GOLGA2: variants seen among roughly 807,000 people sequenced by gnomAD.
GOLGA2 encodes golgin subfamily A member 2.
Under a neutral mutation model 148.8 loss-of-function variants are expected in GOLGA2, and 49 were observed. That is an observed-to-expected ratio of 0.33 (90% CI 0.26 to 0.42). The LOEUF is 0.42. Ranked by LOEUF, GOLGA2 falls within the 10% of genes least tolerant of loss-of-function variation. GOLGA2 has a pLI of 1.00. For synonymous variants in GOLGA2, 501 were observed against 511.8 expected (o/e 0.98, Z 0.28); for missense variants, 1,178 against 1,304.6 (o/e 0.90, Z 1.49).
chr9:128,267,914 G>T lies in GOLGA2; in HGVS notation c.501+20C>A. On this transcript the variant is annotated intron_variant, in intron 6 of 26. Coordinates refer to ENST00000611957, the MANE Select transcript of GOLGA2 (RefSeq NM_001366244.2). Reference sequence around the variant, plus strand: ...GTTCCCTTCCCCCCACCCCGCTCTCGGCCTCAGTTCCTGAGGTACCTCACA... The same window carrying T: ...GTTCCCTTCCCCCCACCCCGCTCTCTGCCTCAGTTCCTGAGGTACCTCACA... 1 of 1,583,738 alleles carries T rather than the reference G, an allele frequency of 6.3e-7. No individual in the cohort carries two copies. Among genetic ancestry groups the T allele is most frequent in the Non-Finnish European group, 8.7e-7 (1 of 1,152,652 alleles).
In GOLGA2 at chr9:128,273,880, G is replaced by T. The variant is rs774735776; in HGVS notation, c.177C>A (p.Thr59=). The T allele has an allele frequency of 1.9e-6, 3 of 1,614,048 alleles. No homozygotes were observed. Among genetic ancestry groups the T allele is most frequent in the Non-Finnish European group, 2.5e-6 (3 of 1,179,956 alleles). The part of the protein sequence containing the change: ...KIKNGSNPET[T]TSGGCHSPED... ...CAGGTGAGTGGCAACCACCAGAAGTGGTTGTCTCAGGGTTACTGCCATTTT... is the reference window on the plus strand; with the variant it reads ...CAGGTGAGTGGCAACCACCAGAAGTTGTTGTCTCAGGGTTACTGCCATTTT... Residue 59 remains threonine (T), a synonymous_variant, in exon 2 of 27, where the codon ACC becomes ACA. Transcript: ENST00000611957.
At position 128,260,142 on chromosome 9, in the gene GOLGA2, G is replaced by T; in HGVS notation, c.1806C>A (p.His602Gln). Reference protein sequence around the residue: ...EITSALQSEQHVKRELGKKLG... With the variant: ...EITSALQSEQQVKRELGKKLG... ...GCTTCTTTCCCAGCTCCCTCTTGACGTGCTGCTCCGACTGCAGTGCGCTGG... is the reference window on the plus strand; with the variant it reads ...GCTTCTTTCCCAGCTCCCTCTTGACTTGCTGCTCCGACTGCAGTGCGCTGG... The change falls in exon 19 of 27, where the codon CAC (histidine) becomes CAA (glutamine). Residue 602 changes from histidine (H) to glutamine (Q), a missense_variant. By Grantham distance (24) the His-to-Gln change is conservative. Transcript: ENST00000611957. The surrounding 1 kb of genome is among the most constrained non-coding windows in gnomAD (Gnocchi z 4.8). 6.2e-7 allele frequency: 1 copy of T among 1,610,592 alleles called. No homozygotes were observed. Among genetic ancestry groups the T allele is most frequent in the Non-Finnish European group, 8.5e-7 (1 of 1,179,794 alleles).
Position 128,258,540 on chromosome 9 carries a change from TCCTCCTCCTCCTCCC to T in GOLGA2, c.2189_2203del (p.Arg730_Asp735delinsHis). ...CGCCTCCTCCTCCTCCTCCTCCTCA[TCCTCCTCCTCCTCCC>T]GGTCCAGTCCATCTCCTATGGGGGT... On this transcript the variant is annotated inframe_deletion, in exon 22 of 27. Coordinates refer to ENST00000611957, the MANE Select transcript of GOLGA2 (RefSeq NM_001366244.2). This position sits in a 1 kb window ranked among gnomAD's most constrained non-coding sequence, Gnocchi z 6.6. The T allele has an allele frequency of 6.6e-7, 1 of 1,525,394 alleles. No homozygotes were observed. 94.5% of individuals were successfully genotyped at this position (1,525,394 alleles called of 1,614,324 possible).
chr9:128,258,704 A>G lies in GOLGA2; in HGVS notation c.2174-134T>C, dbSNP rs1830065871. Reference sequence around the variant, plus strand: ...AAATAAGCATCTGTTCTTTATTTTTATTTTATTCTTTTTTAAGAGCCAAGG... The same window carrying G: ...AAATAAGCATCTGTTCTTTATTTTTGTTTTATTCTTTTTTAAGAGCCAAGG... On this transcript the variant is annotated intron_variant, in intron 21 of 26. Coordinates refer to ENST00000611957, the MANE Select transcript of GOLGA2 (RefSeq NM_001366244.2). This position sits in a 1 kb window ranked among gnomAD's most constrained non-coding sequence, Gnocchi z 6.6. The G allele has an allele frequency of 2.9e-6, 2 of 685,730 alleles. No individual in the cohort carries two copies. The highest frequency in any genetic ancestry group is 4.9e-6 in the Non-Finnish European group (2 of 411,248). The allele number at this position is 685,730 out of a possible 1,614,324, so 42.5% of individuals were successfully genotyped here. A position where few individuals can be genotyped will look rare whatever the true frequency, so the allele number is the denominator to read the frequency against.
In GOLGA2 at chr9:128,275,945, G is replaced by C. The variant is rs775035848; in HGVS notation, c.32C>G (p.Pro11Arg). The change falls in exon 1 of 27, where the codon CCC (proline) becomes CGC (arginine). Residue 11 changes from proline (P) to arginine (R), a missense_variant. Around this residue, in one of 5 missense-constraint regions of GOLGA2, gnomAD observed 158 missense variants for 156.6 expected, o/e 1.01. Coordinates refer to ENST00000611957, the MANE Select transcript of GOLGA2 (RefSeq NM_001366244.2). MWPQPRLPPR[P>R]AMSEETRQSK... The stretch of plus-strand genomic sequence containing the variant: ...CTGTCGGGTTTCTTCCGACATCGCG[G>C]GGCGGGGAGGGAGGCGGGGTTGGGG... The C allele has an allele frequency of 4.4e-6, 7 of 1,595,636 alleles. No homozygotes were observed. The East Asian group carries it at 1.4e-4, about 31-fold the overall frequency.
At position 128,260,141 on chromosome 9, in the gene GOLGA2, C is replaced by T. The variant is rs1467927307; in HGVS notation, c.1807G>A (p.Val603Ile). The change falls in exon 19 of 27, where the codon GTC becomes ATC. Residue 603 changes from valine to isoleucine, a missense_variant. Coordinates refer to ENST00000611957, the MANE Select transcript of GOLGA2 (RefSeq NM_001366244.2). The surrounding 1 kb of genome is among the most constrained non-coding windows in gnomAD (Gnocchi z 4.8). Reference sequence around the variant, plus strand: ...AGCTTCTTTCCCAGCTCCCTCTTGACGTGCTGCTCCGACTGCAGTGCGCTG... The same window carrying T: ...AGCTTCTTTCCCAGCTCCCTCTTGATGTGCTGCTCCGACTGCAGTGCGCTG... ...ITSALQSEQH[V>I]KRELGKKLGE... is the part of the protein sequence containing the mutation. The T allele has an allele frequency of 4.3e-6, 7 of 1,610,662 alleles. No individual in the cohort carries two copies. The highest frequency in any genetic ancestry group is 1.3e-5 in the African/African-American group (1 of 74,916).
Position 128,273,855 on chromosome 9 carries a change from C to T in GOLGA2, c.202G>A (p.Glu68Lys), listed in dbSNP as rs745944282. ...TTTSGGCHSP[E>K]DIQDILKVLV... ...CCTGGCCATCCAAGACTCACATCCT[C>T]AGGTGAGTGGCAACCACCAGAAGTG... The change falls in exon 2 of 27, where the codon GAG (glutamate) becomes AAG (lysine). Residue 68 changes from glutamate to lysine, a missense_variant. Coordinates refer to ENST00000611957, the MANE Select transcript of GOLGA2 (RefSeq NM_001366244.2). 1.2e-6 allele frequency: 2 copies of T among 1,614,012 alleles called. No individual in the cohort carries two copies. Among genetic ancestry groups the T allele is most frequent in the East Asian group, 4.5e-5 (2 of 44,884 alleles).
Position 128,259,446 on chromosome 9 carries a change from G to T in GOLGA2, c.1873-55C>A, listed in dbSNP as rs1375980514. The T allele has an allele frequency of 4.3e-6, 5 of 1,172,178 alleles. No homozygotes were observed. In the African/African-American group the frequency reaches 4.6e-5, roughly 11 times the overall value. 72.6% of individuals were successfully genotyped at this position (1,172,178 alleles called of 1,614,324 possible). Reference sequence around the variant, plus strand: ...GTGGTGGCCTGCTTCCAGATTCAGGGCCCATAAATAGGGTAGCGAGGGCTC... The same window carrying T: ...GTGGTGGCCTGCTTCCAGATTCAGGTCCCATAAATAGGGTAGCGAGGGCTC... On this transcript the variant is annotated intron_variant, in intron 19 of 26. Transcript: ENST00000611957.
intron 14 of GOLGA2, 73 bp downstream of exon 14, chr9:128,262,490 G>A (rs1489263356): frequency 1.4e-6 from 2 of 1,445,532 alleles, no homozygotes; most frequent in East Asian, 2.3e-5. Flanking sequence ...GTCTCCCCAT[G>A]CCCTGCATGA....
intron 1 of GOLGA2, chr9:128,275,256 A>T: frequency 3.3e-6 from 2 of 607,170 alleles, no homozygotes; most frequent in Non-Finnish European, 5.5e-6. Flanking sequence ...GACCAGAGGA[A>T]CCAGAAGCGG....
chr9:128,273,880 G>C lies in GOLGA2; in HGVS notation c.177C>G (p.Thr59=), dbSNP rs774735776. Residue 59 remains threonine, a synonymous_variant, in exon 2 of 27, where the codon ACC becomes ACG. Coordinates refer to ENST00000611957, the MANE Select transcript of GOLGA2 (RefSeq NM_001366244.2). The part of the protein sequence containing the change: ...KIKNGSNPET[T]TSGGCHSPED... ...CAGGTGAGTGGCAACCACCAGAAGT[G>C]GTTGTCTCAGGGTTACTGCCATTTT... The C allele has an allele frequency of 5.0e-6, 8 of 1,613,930 alleles. No individual in the cohort carries two copies. The highest frequency in any genetic ancestry group is 6.8e-6 in the Non-Finnish European group (8 of 1,179,964).
In GOLGA2 at chr9:128,263,528, C is replaced by T. The variant is rs527440535; in HGVS notation, c.934-436G>A. ...CGCCTCCCGGGTTCATGCCATTCTCCTGCTTCAGCCTCCTAAGTAGCTGGG... is the reference window on the plus strand; with the variant it reads ...CGCCTCCCGGGTTCATGCCATTCTCTTGCTTCAGCCTCCTAAGTAGCTGGG... On this transcript the variant is annotated intron_variant, in intron 12 of 26. Transcript: ENST00000611957. Among the ~76,000 whole-genome samples the T allele has an allele frequency of 5.3e-5, 8 of 152,260 alleles. No individual in the cohort carries two copies. In the East Asian group the frequency reaches 1.6e-3, roughly 30 times the overall value.
chr9:128,257,265 G>A lies in GOLGA2; in HGVS notation c.2892C>T (p.Ser964=), dbSNP rs772476663. 8 of 1,612,954 alleles carry A rather than the reference G, an allele frequency of 5.0e-6. No individual in the cohort carries two copies. Among genetic ancestry groups the A allele is most frequent in the Non-Finnish European group, 6.8e-6 (8 of 1,179,728 alleles). Residue 964 remains serine (S), a synonymous_variant, in exon 27 of 27, where the codon AGC becomes AGT. Coordinates refer to ENST00000611957, the MANE Select transcript of GOLGA2 (RefSeq NM_001366244.2). The surrounding 1 kb of genome is among the most constrained non-coding windows in gnomAD (Gnocchi z 8.0). The part of the protein sequence containing the change: ...ANQQGDLCEV[S]LAGSVEPAQG... ...GGGCAGGCTCCACACTGCCGGCGAG[G>A]CTCACCTCGCAAAGATCTTTGGAGA...
Position 128,256,831 on chromosome 9 carries a change from C to A in GOLGA2, c.*236G>T, listed in dbSNP as rs918889584. 1.6e-4 allele frequency: 59 copies of A among 377,092 alleles called. No homozygotes were observed. Among genetic ancestry groups the A allele is most frequent in the African/African-American group, 1.2e-3 (56 of 47,622 alleles). The allele number at this position is 377,092 out of a possible 1,614,324, so 23.4% of individuals were successfully genotyped here. A position where few individuals can be genotyped will look rare whatever the true frequency, so the allele number is the denominator to read the frequency against. On this transcript the variant is annotated 3_prime_UTR_variant, in exon 27 of 27. Transcript: ENST00000611957. ...TTTTATACCATAAGTTACCCATAAC[C>A]TTTTTTATCCCATAACTTTTTTTAA...
Position 128,260,551 on chromosome 9 carries a change from C to A in GOLGA2, c.1672G>T (p.Asp558Tyr), listed in dbSNP as rs537382979. The change falls in exon 18 of 27, where the codon GAC becomes TAC. Residue 558 changes from aspartate to tyrosine, a missense_variant. Transcript: ENST00000611957. This position sits in a 1 kb window ranked among gnomAD's most constrained non-coding sequence, Gnocchi z 4.8. The stretch of plus-strand genomic sequence containing the variant: ...AGTGCGCGGCTGATGGTAGTGCGGT[C>A]GTTCTGCATGGTCTCCAGGATTTGC... ...RRQILETMQNDRTTISRALSQ... is the reference protein window; with the variant it reads ...RRQILETMQNYRTTISRALSQ... 6.2e-7 allele frequency: 1 copy of A among 1,613,008 alleles called. No individual in the cohort carries two copies. Among genetic ancestry groups the A allele is most frequent in the South Asian group, 1.1e-5 (1 of 91,050 alleles).
At chr9:128,272,392 G>A (rs1215862617) in intron 3 of GOLGA2, among the ~76,000 whole-genome samples, 2 of 151,648 alleles carry the variant, frequency 1.3e-5, no homozygotes, top group Non-Finnish European at 2.9e-5. Flanking sequence ...GCTGAGGCAG[G>A]AGAAACACTT....
chr9:128,262,611 C>T lies in GOLGA2; in HGVS notation c.1086G>A (p.Leu362=), dbSNP rs1417532099. ...VTEKAGMQLN[L]EELQKKLEMT... The stretch of plus-strand genomic sequence containing the variant: ...TCTCTAACTTCTTTTGCAATTCTTC[C>T]AAGTTAAGCTGCATGCCAGCCTTCT... Residue 362 remains leucine (L), a synonymous_variant, in exon 14 of 27, where the codon TTG becomes TTA. Coordinates refer to ENST00000611957, the MANE Select transcript of GOLGA2 (RefSeq NM_001366244.2). 2 of 1,614,056 alleles carry T rather than the reference C, an allele frequency of 1.2e-6. No individual in the cohort carries two copies. Among genetic ancestry groups the T allele is most frequent in the East Asian group, 4.5e-5 (2 of 44,884 alleles).
Position 128,260,129 on chromosome 9 carries a change from G to T in GOLGA2, c.1819C>A (p.Leu607Met). 1 of 1,610,988 alleles carries T rather than the reference G, an allele frequency of 6.2e-7. No individual in the cohort carries two copies. ...TGCAGCTCGCCCAGCTTCTTTCCCA[G>T]CTCCCTCTTGACGTGCTGCTCCGAC... ...LQSEQHVKRE[L>M]GKKLGELQEK... The change falls in exon 19 of 27, where the codon CTG (leucine) becomes ATG (methionine). Residue 607 changes from leucine to methionine, a missense_variant. By Grantham distance (15) the Leu-to-Met change is conservative. Coordinates refer to ENST00000611957, the MANE Select transcript of GOLGA2 (RefSeq NM_001366244.2). This position sits in a 1 kb window ranked among gnomAD's most constrained non-coding sequence, Gnocchi z 4.8.
chr9:128,275,334 G>A (rs1188945890), intron 1 of GOLGA2: 13 of 1,124,420 alleles, frequency 1.2e-5, no homozygotes, highest in Non-Finnish European at 1.5e-5. Context: ...TTACGGTTCC[G>A]AGGGGGATTG....
Sources: allele counts gnomAD v4.1 joint callset (sites outside exome capture counted in the v4.1 genomes callset), GRCh38; gene constraint gnomAD v4.1.1; regional missense constraint gnomAD v4.1.1; non-coding constraint Gnocchi (gnomAD v3.1); transcripts MANE v1.5; gene names NCBI Gene and HGNC (gene_info 2026-07-23, HGNC 2026-07-21).